ZNF782: variants seen among roughly 807,000 people sequenced by gnomAD.
ZNF782 encodes the protein zinc finger protein 782.
A neutral mutation model predicts 13.0 loss-of-function variants in ZNF782; 12 were observed. The observed-to-expected ratio is 0.92, with a 90% CI of 0.59 to 1.50. The LOEUF is 1.50. Among genes scored for constraint, ZNF782 ranks in the 40% most tolerant of loss-of-function variants. The pLI is 0.00. For synonymous variants in ZNF782, 284 were observed against 283.0 expected (o/e 1.00, Z -0.04); for missense variants, 770 against 822.9 (o/e 0.94, Z 0.79).
chr9:96,892,795 T>C, the ZNF782 span: 14 of 152,212 alleles, frequency 9.2e-5, no homozygotes, highest in Non-Finnish European at 2.1e-4. Context: ...ATCTGGCTTA[T>C]ATCATTCGTG....
At chr9:96,903,559 T>TG in the ZNF782 span, among the ~76,000 whole-genome samples, 4 of 105,800 alleles carry the variant, frequency 3.8e-5, no homozygotes, top group Non-Finnish European at 5.3e-5. Context: ...TATGTTGGTT[T>TG]TTTTTTTTTT....
the ZNF782 span, among the ~76,000 whole-genome samples, chr9:96,905,452 C>A: frequency 6.6e-6 from 1 of 152,016 alleles, no homozygotes; most frequent in East Asian, 1.9e-4. Context: ...CCACCCCTTT[C>A]CCAGAAAACT....
At position 96,818,746 on chromosome 9, in the gene ZNF782, C is replaced by G; in HGVS notation, c.1277G>C (p.Gly426Ala). The G allele has an allele frequency of 6.2e-7, 1 of 1,613,224 alleles. No individual in the cohort carries two copies. Among genetic ancestry groups the G allele is most frequent in the Non-Finnish European group, 8.5e-7 (1 of 1,179,826 alleles). Residue 426 changes from glycine (G) to alanine (A), a missense_variant, in exon 6 of 6, where the codon GGA (glycine) becomes GCA (alanine). Physicochemically the swap from Gly to Ala is moderately conservative, Grantham distance 60. Coordinates refer to ENST00000481138, the MANE Select transcript of ZNF782 (RefSeq NM_001001662.3). ...HTGEKPYKCD[G>A]CDKAFSAKSG... The stretch of plus-strand genomic sequence containing the variant: ...CTTTGCACTGAAAGCTTTATCACAT[C>G]CATCACATTTGTATGGTTTCTCTCC...
chr9:96,916,201 C>T, the ZNF782 span, among the ~76,000 whole-genome samples: 2 of 151,890 alleles, frequency 1.3e-5, no homozygotes, highest in Non-Finnish European at 2.9e-5. Flanking sequence ...GTCCCAAGAA[C>T]TCCTTTCTGG....
At chr9:96,925,302 G>A in the ZNF782 span, among the ~76,000 whole-genome samples, 33 of 151,780 alleles carry the variant, frequency 2.2e-4, no homozygotes, top group South Asian at 4.2e-4. Flanking sequence ...GGGGCCAGGC[G>A]ACGCCTTCTC....
chr9:96,871,617 T>G (rs1851829619), intron 1 of ZNF782, among the ~76,000 whole-genome samples: 1 of 152,214 alleles, frequency 6.6e-6, no homozygotes, highest in African/African-American at 2.4e-5. Flanking sequence ...CAGGATCACT[T>G]GAGGCCTAGC....
intron 1 of ZNF782, among the ~76,000 whole-genome samples, chr9:96,866,791 C>G (rs1045544519): frequency 4.6e-5 from 7 of 152,230 alleles, no homozygotes; most frequent in African/African-American, 1.7e-4. Context: ...TGTCTTGCAT[C>G]AGCAAGACCT....
the ZNF782 span, among the ~76,000 whole-genome samples, chr9:96,919,581 T>TG: frequency 0.016 from 2,024 of 127,888 alleles, 70 homozygotes; most frequent in African/African-American, 0.057. Flanking sequence ...TTTTTTTTTT[T>TG]GAGACAGAGT....
the ZNF782 span, among the ~76,000 whole-genome samples, chr9:96,906,271 T>G: frequency 6.6e-6 from 1 of 150,812 alleles, no homozygotes; most frequent in East Asian, 1.9e-4. Context: ...TATGGGGTTC[T>G]CCCCACACAC....
In ZNF782 at chr9:96,817,047, G is replaced by A. The variant is rs899234873; in HGVS notation, c.*876C>T. ...ACTGCAAGAAGTCCAACTGTGTACA[G>A]GGAGGAGAAAACTCCATGCCACAGG... is the stretch of plus-strand genomic sequence containing the variant. On this transcript the variant is annotated 3_prime_UTR_variant, in exon 6 of 6. Transcript: ENST00000481138. 2 of 152,028 alleles carry A rather than the reference G, an allele frequency of 1.3e-5. No individual in the cohort carries two copies. Among genetic ancestry groups the A allele is most frequent in the Non-Finnish European group, 2.9e-5 (2 of 67,976 alleles). The allele number at this position is 152,028 out of a possible 1,614,324, so 9.4% of individuals were successfully genotyped here. A position where few individuals can be genotyped will look rare whatever the true frequency, so the allele number is the denominator to read the frequency against.
chr9:96,873,056 A>G (rs2118890634), intron 1 of ZNF782, among the ~76,000 whole-genome samples: 1 of 150,716 alleles, frequency 6.6e-6, no homozygotes, highest in Admixed American at 6.5e-5. Context: ...CCTTTTAGTT[A>G]AAAATATATC....
chr9:96,872,820 T>C (rs1289641909), intron 1 of ZNF782, among the ~76,000 whole-genome samples: 7 of 152,200 alleles, frequency 4.6e-5, no homozygotes, highest in Non-Finnish European at 1.0e-4. Flanking sequence ...TTTGAATAGT[T>C]GGTTATTGTG....
chr9:96,906,889 T>C, the ZNF782 span, among the ~76,000 whole-genome samples: 8 of 152,248 alleles, frequency 5.3e-5, no homozygotes, highest in African/African-American at 1.9e-4. Flanking sequence ...TGAAGCTACC[T>C]AGGAGCTGCC....
chr9:96,885,870 CAG>C, the ZNF782 span, among the ~76,000 whole-genome samples: 5 of 151,840 alleles, frequency 3.3e-5, no homozygotes, highest in Non-Finnish European at 7.4e-5. Flanking sequence ...TAGACAGAGA[CAG>C]AGTCTCACTC....
the ZNF782 span, among the ~76,000 whole-genome samples, chr9:96,922,504 GGCTCAC>G: frequency 6.6e-6 from 1 of 152,300 alleles, no homozygotes; most frequent in Non-Finnish European, 1.5e-5. Flanking sequence ...CAGGCACGGT[GGCTCAC>G]GCCTGTAATC....
chr9:96,933,255 G>T, the ZNF782 span, among the ~76,000 whole-genome samples: 1 of 151,866 alleles, frequency 6.6e-6, no homozygotes, highest in Non-Finnish European at 1.5e-5. Flanking sequence ...TGCGATTGCA[G>T]GCATGACCCA....
At chr9:96,826,212 T>C (rs1850614636) in intron 5 of ZNF782, among the ~76,000 whole-genome samples, 1 of 152,176 alleles carries the variant, frequency 6.6e-6, no homozygotes, top group Non-Finnish European at 1.5e-5. Flanking sequence ...TGGAATACTA[T>C]GCAGCCATTA....
At chr9:96,877,554 G>C (rs1312676933), upstream of ZNF782, among the ~76,000 whole-genome samples, 2 of 152,242 alleles carry the variant, frequency 1.3e-5, no homozygotes, top group East Asian at 3.8e-4. Flanking sequence ...CGCCAAGACT[G>C]GGGGCTTCCC....
intron 5 of ZNF782, among the ~76,000 whole-genome samples, chr9:96,823,931 G>T (rs144934371): frequency 6.6e-6 from 1 of 152,108 alleles, no homozygotes; most frequent in African/African-American, 2.4e-5. Flanking sequence ...CAACCAAAAA[G>T]AGTCCAGGAC....
Sources: gnomAD v4.1 joint callset for allele counts (sites outside exome capture counted in the v4.1 genomes callset) on GRCh38, gnomAD v4.1.1 for gene constraint, MANE v1.5 for transcripts, NCBI Gene and HGNC (gene_info 2026-07-23, HGNC 2026-07-21) for gene names.